The following TRERF1 variants were observed in gnomAD, a reference collection of about 807,000 sequenced individuals.
The protein encoded by TRERF1 is transcriptional-regulating factor 1.
A neutral mutation model predicts 122.9 loss-of-function variants in TRERF1; 27 were observed. The ratio of observed to expected loss-of-function variants is 0.22; its 90% CI spans 0.16 to 0.30. TRERF1 has a LOEUF of 0.30. TRERF1 is among the 10% of genes least tolerant of loss of function. The pLI, the probability that TRERF1 is intolerant of heterozygous loss-of-function variation, is 1.00. For synonymous variants in TRERF1, 636 were observed against 641.7 expected, an observed-to-expected ratio of 0.99 and a Z score of 0.13; for missense variants, 1,248 against 1,560.3, an observed-to-expected ratio of 0.80 and a Z score of 3.37.
chr6:42,368,836 G>A (rs434490), intron 2 of TRERF1, among the ~76,000 whole-genome samples: 29,520 of 152,100 alleles, frequency 0.19, 5,450 homozygotes, highest in African/African-American at 0.49. Flanking sequence ...GAGTTTTTTA[G>A]TTAAAAAATG....
intron 2 of TRERF1, among the ~76,000 whole-genome samples, chr6:42,402,428 C>T (rs984054027): frequency 6.6e-6 from 1 of 152,134 alleles, no homozygotes; most frequent in Non-Finnish European, 1.5e-5. Flanking sequence ...GGGCTGTGAG[C>T]CTGACTAAAA....
intron 3 of TRERF1, among the ~76,000 whole-genome samples, chr6:42,311,067 A>C (rs192551355): frequency 9.8e-5 from 15 of 152,358 alleles, no homozygotes; most frequent in Admixed American, 9.1e-4. Context: ...TTGAGCACCT[A>C]CTATATGTTG....
intron 2 of TRERF1, among the ~76,000 whole-genome samples, chr6:42,366,175 G>A (rs1314552830): frequency 6.6e-6 from 1 of 152,152 alleles, no homozygotes. Flanking sequence ...TGGCTCTTCT[G>A]AGCTCACTGC....
intron 4 of TRERF1, among the ~76,000 whole-genome samples, chr6:42,292,782 G>A (rs902174489): frequency 6.6e-6 from 1 of 152,202 alleles, no homozygotes; most frequent in African/African-American, 2.4e-5. Context: ...ATTGTATCCA[G>A]TAGAATATCA....
chr6:42,430,011 CCAG>C (rs1376916653), intron 2 of TRERF1, among the ~76,000 whole-genome samples: 1 of 151,710 alleles, frequency 6.6e-6, no homozygotes, highest in African/African-American at 2.4e-5. Context: ...AAGAGCAACC[CCAG>C]CAGAGAGGAC....
At chr6:42,421,793 TAATTA>T (rs757567626) in intron 2 of TRERF1, among the ~76,000 whole-genome samples, 7 of 151,876 alleles carry the variant, frequency 4.6e-5, no homozygotes, top group South Asian at 2.1e-4. Flanking sequence ...ATTAATTAAT[TAATTA>T]AATTAAATAA....
chr6:42,233,890 G>A (rs1234301870), intron 16 of TRERF1, among the ~76,000 whole-genome samples: 4 of 152,156 alleles, frequency 2.6e-5, no homozygotes, highest in African/African-American at 9.7e-5. Context: ...CATTGTTGAA[G>A]CAATGTTTAA....
At chr6:42,370,871 C>G (rs1773637546) in intron 2 of TRERF1, among the ~76,000 whole-genome samples, 1 of 152,158 alleles carries the variant, frequency 6.6e-6, no homozygotes, top group Non-Finnish European at 1.5e-5. Context: ...TGAGGAGGAT[C>G]CACTATCCTC....
intron 2 of TRERF1, among the ~76,000 whole-genome samples, chr6:42,435,118 CA>C (rs1455309075): frequency 7.0e-6 from 1 of 142,264 alleles, no homozygotes; most frequent in African/African-American, 2.8e-5. Flanking sequence ...GCAGAAACAG[CA>C]AAACTCTGTC....
At position 42,308,906 on chromosome 6, in the gene TRERF1, C is replaced by CA. The variant is rs1257513629; in HGVS notation, c.-370-8158dup. Among the ~76,000 whole-genome samples the CA allele has an allele frequency of 3.3e-5, 5 of 152,042 alleles. No individual in the cohort carries two copies. In the South Asian group the frequency reaches 8.3e-4, roughly 25 times the overall value. ...CCATGACATAAGTTTACCTCTGTAA[C>CA]AAACCTTCACATGCATCCCCGAATG... On this transcript the variant is annotated intron_variant, in intron 3 of 17. Coordinates refer to ENST00000372922, the Ensembl canonical transcript of TRERF1.
chr6:42,371,389 C>T (rs1375739067), intron 2 of TRERF1, among the ~76,000 whole-genome samples: 1 of 152,128 alleles, frequency 6.6e-6, no homozygotes, highest in East Asian at 1.9e-4. Flanking sequence ...CTTCCAGTGT[C>T]TAGGAGGATC....
chr6:42,422,504 CA>C (rs70987594), intron 2 of TRERF1, among the ~76,000 whole-genome samples: 16,928 of 120,130 alleles, frequency 0.14, 1,093 homozygotes, highest in African/African-American at 0.27. Flanking sequence ...ACCCTGTCTC[CA>C]AAAAAAAAAA....
In TRERF1 at chr6:42,268,810, T is replaced by C. The variant is rs1170073880; in HGVS notation, c.781A>G (p.Met261Val). The C allele has an allele frequency of 6.2e-7, 1 of 1,614,188 alleles. No individual in the cohort carries two copies. The change falls in exon 5 of 18, where the codon ATG becomes GTG. Residue 261 changes from methionine (M) to valine (V), a missense_variant. Physicochemically the swap from Met to Val is conservative, Grantham distance 21. Around this residue, in one of 5 missense-constraint regions of TRERF1, gnomAD observed 946 missense variants for 1,073.0 expected, o/e 0.88. Transcript: ENST00000372922. The surrounding 1 kb of genome is among the most constrained non-coding windows in gnomAD (Gnocchi z 4.4). The stretch of plus-strand genomic sequence containing the variant: ...TACTGGTGCTGCTGCATCTGTTGCA[T>C]GTGCTGTGACAGCATCTGTGGGGCC...
intron 4 of TRERF1, among the ~76,000 whole-genome samples, chr6:42,289,343 C>CAAAAAAAAAAAA (rs145805556): frequency 7.6e-6 from 1 of 131,012 alleles, no homozygotes; most frequent in African/African-American, 3.0e-5. Context: ...AAAAAACAAA[C>CAAAAAAAAAAAA]AAACAAAAAA....
chr6:42,447,396 T>C (rs1293217960), intron 2 of TRERF1, among the ~76,000 whole-genome samples: 2 of 152,232 alleles, frequency 1.3e-5, no homozygotes, highest in Non-Finnish European at 2.9e-5. Context: ...CACAGCACCC[T>C]TGTGGCAACG....
chr6:42,352,298 T>C (rs1581737543), intron 3 of TRERF1, among the ~76,000 whole-genome samples: 1 of 152,360 alleles, frequency 6.6e-6, no homozygotes, highest in East Asian at 1.9e-4. Context: ...TCCAGCCTCA[T>C]AATTTCGTGC....
chr6:42,260,345 T>C (rs1443236820), intron 8 of TRERF1, among the ~76,000 whole-genome samples: 1 of 152,050 alleles, frequency 6.6e-6, no homozygotes, highest in African/African-American at 2.4e-5. Flanking sequence ...CCCCTCACTA[T>C]TGCTCCCAGA....
chr6:42,262,770 T>C (rs1411288452), intron 8 of TRERF1, among the ~76,000 whole-genome samples: 3 of 152,188 alleles, frequency 2.0e-5, no homozygotes, highest in African/African-American at 4.8e-5. Context: ...AATTAGGTTC[T>C]CCAGGGTATT....
At chr6:42,249,512 C>T (rs1410122500) in intron 13 of TRERF1, among the ~76,000 whole-genome samples, 1 of 152,162 alleles carries the variant, frequency 6.6e-6, no homozygotes, top group Non-Finnish European at 1.5e-5. Flanking sequence ...GGAGAGATCC[C>T]CAAACCTCGT....
Sources: allele counts gnomAD v4.1 joint callset (sites outside exome capture counted in the v4.1 genomes callset), GRCh38; gene constraint gnomAD v4.1.1; regional missense constraint gnomAD v4.1.1; non-coding constraint Gnocchi (gnomAD v3.1); transcripts MANE v1.5; gene names NCBI Gene and HGNC (gene_info 2026-07-23, HGNC 2026-07-21).